The following SMCO2 variants were observed in gnomAD, a reference collection of about 807,000 sequenced individuals.
SMCO2 encodes the protein single-pass membrane protein with coiled-coil domains 2.
Under a neutral mutation model 29.5 loss-of-function variants are expected in SMCO2, and 25 were observed. The observed-to-expected ratio is 0.85, with a 90% CI of 0.62 to 1.18. The LOEUF (loss-of-function observed/expected upper bound fraction) is 1.18. Ranked by LOEUF, SMCO2 falls within the 50% of genes most tolerant of loss-of-function variation. The probability of loss-of-function intolerance (pLI) is 0.00; values close to 1 mark genes in which losing one functional copy is unlikely to be tolerated. For synonymous variants in SMCO2, 117 were observed against 123.3 expected (o/e 0.95, Z 0.34); for missense variants, 348 against 344.5 (o/e 1.01, Z -0.08).
the SMCO2 span, among the ~76,000 whole-genome samples, chr12:27,434,768 A>G: frequency 6.6e-6 from 1 of 152,188 alleles, no homozygotes; most frequent in Non-Finnish European, 1.5e-5. Flanking sequence ...TAAATAGAGG[A>G]CATTTTAAGG....
chr12:27,482,597 G>A (rs796245705), intron 4 of SMCO2, among the ~76,000 whole-genome samples: 5 of 152,250 alleles, frequency 3.3e-5, no homozygotes, highest in East Asian at 1.9e-4. Flanking sequence ...CACCACACCC[G>A]GCCAACCCAT....
At chr12:27,450,316 C>A in the SMCO2 span, among the ~76,000 whole-genome samples, 3 of 152,054 alleles carry the variant, frequency 2.0e-5, no homozygotes, top group Admixed American at 6.5e-5. Flanking sequence ...CCACCCCCCA[C>A]CAACTAGGCT....
At chr12:27,493,393 A>G (rs996166431) in intron 5 of SMCO2, among the ~76,000 whole-genome samples, 1 of 152,184 alleles carries the variant, frequency 6.6e-6, no homozygotes, top group Non-Finnish European at 1.5e-5. Context: ...CTAGCTGGGC[A>G]TGGTGGCACA....
intron 4 of SMCO2, among the ~76,000 whole-genome samples, chr12:27,483,496 C>T (rs982373634): frequency 1.3e-5 from 2 of 152,004 alleles, no homozygotes; most frequent in Admixed American, 6.6e-5. Flanking sequence ...TAGTTCACTG[C>T]AGCCTTGAAC....
the SMCO2 span, among the ~76,000 whole-genome samples, chr12:27,428,826 T>TTTTC: frequency 8.8e-4 from 133 of 150,964 alleles, 4 homozygotes; most frequent in East Asian, 5.8e-4. Flanking sequence ...TACTTTTTTT[T>TTTTC]TTTTTTTTTT....
chr12:27,425,352 C>T, the SMCO2 span: 2 of 151,972 alleles, frequency 1.3e-5, no homozygotes, highest in Non-Finnish European at 2.9e-5. Context: ...GCCCTCAAAC[C>T]ACTGGGCAGA....
chr12:27,432,869 CCAGA>C, the SMCO2 span, among the ~76,000 whole-genome samples: 39 of 152,270 alleles, frequency 2.6e-4, no homozygotes, highest in South Asian at 1.5e-3. Flanking sequence ...AGAAATCCTC[CCAGA>C]CAAATTCTTT....
the SMCO2 span, among the ~76,000 whole-genome samples, chr12:27,426,910 T>C: frequency 6.6e-6 from 1 of 152,220 alleles, no homozygotes; most frequent in Non-Finnish European, 1.5e-5. Context: ...TAAAAGAAAG[T>C]TGAAATGGTT....
chr12:27,446,771 T>G, the SMCO2 span: 2 of 152,166 alleles, frequency 1.3e-5, no homozygotes, highest in Admixed American at 6.5e-5. Flanking sequence ...CTGAGGCCCT[T>G]GGGGAGCTTC....
the SMCO2 span, among the ~76,000 whole-genome samples, chr12:27,460,780 A>G: frequency 3.3e-5 from 5 of 152,226 alleles, no homozygotes; most frequent in African/African-American, 1.2e-4. Context: ...TAGCTCTGTT[A>G]TGCAAAGGAA....
At chr12:27,435,015 A>G in the SMCO2 span, among the ~76,000 whole-genome samples, 1 of 152,042 alleles carries the variant, frequency 6.6e-6, no homozygotes, top group African/African-American at 2.4e-5. Flanking sequence ...ATAGCAGGGT[A>G]AACTGTGCTG....
chr12:27,465,483 T>C (rs1949491645), upstream of SMCO2, among the ~76,000 whole-genome samples: 1 of 152,162 alleles, frequency 6.6e-6, no homozygotes. Context: ...TGGAGTCTGG[T>C]TCCTAACTAG....
intron 5 of SMCO2, among the ~76,000 whole-genome samples, chr12:27,489,647 A>G (rs1199322878): frequency 3.3e-5 from 5 of 152,204 alleles, no homozygotes; most frequent in African/African-American, 9.6e-5. Context: ...AAAGTAACTT[A>G]CAGATCAGTG....
At chr12:27,467,494 G>A (rs1262438559) in intron 1 of SMCO2, among the ~76,000 whole-genome samples, 1 of 151,272 alleles carries the variant, frequency 6.6e-6, no homozygotes, top group East Asian at 1.9e-4. Context: ...CACTAGGTTG[G>A]ACAGCTTGCA....
chr12:27,447,360 G>A, the SMCO2 span, among the ~76,000 whole-genome samples: 2 of 152,026 alleles, frequency 1.3e-5, no homozygotes, highest in Non-Finnish European at 2.9e-5. Context: ...TGTCACCACC[G>A]ACACACCTCT....
intron 4 of SMCO2, among the ~76,000 whole-genome samples, chr12:27,484,709 T>TGGGTG (rs888918075): frequency 6.6e-6 from 1 of 151,614 alleles, no homozygotes; most frequent in Non-Finnish European, 1.5e-5. Context: ...AAAAATTAGC[T>TGGGTG]GGGTGTGGTA....
the SMCO2 span, among the ~76,000 whole-genome samples, chr12:27,455,260 C>T: frequency 6.6e-6 from 1 of 152,130 alleles, no homozygotes; most frequent in Non-Finnish European, 1.5e-5. Flanking sequence ...TCATTCATAA[C>T]AAATGATTTT....
At chr12:27,479,330 G>A (rs1949619938) in intron 4 of SMCO2, among the ~76,000 whole-genome samples, 1 of 151,942 alleles carries the variant, frequency 6.6e-6, no homozygotes, top group African/African-American at 2.4e-5. Context: ...GGTGCCAGTA[G>A]TGGCTAGTGG....
the SMCO2 span, among the ~76,000 whole-genome samples, chr12:27,453,733 A>G: frequency 8.5e-5 from 13 of 152,328 alleles, no homozygotes; most frequent in African/African-American, 3.1e-4. Flanking sequence ...GCTGAATTCA[A>G]GTAAGTACAG....
Sources: gnomAD v4.1 joint callset for allele counts (sites outside exome capture counted in the v4.1 genomes callset) on GRCh38, gnomAD v4.1.1 for gene constraint, MANE v1.5 for transcripts, NCBI Gene and HGNC (gene_info 2026-07-23, HGNC 2026-07-21) for gene names.